Variants in RPL14 observed in about 807,000 individuals in gnomAD.
RPL14 encodes the protein large ribosomal subunit protein eL14.
A neutral mutation model predicts 25.3 loss-of-function variants in RPL14; 4 were observed. The observed-to-expected ratio is 0.16, with a 90% CI of 0.08 to 0.36. The LOEUF (loss-of-function observed/expected upper bound fraction) is 0.36, where lower values mean the gene tolerates loss of function less well. RPL14 is among the 10% of genes least tolerant of loss of function. RPL14 has a pLI of 1.00. For missense variants in RPL14, 212 were observed against 261.9 expected (o/e 0.81, Z 1.31); for synonymous variants, 75 against 89.8 (o/e 0.84, Z 0.93).
chr3:40,459,775 C>G (rs893153296), intron 3 of RPL14, among the ~76,000 whole-genome samples: 1 of 143,090 alleles, frequency 7.0e-6, no homozygotes, highest in African/African-American at 2.6e-5. Flanking sequence ...AGGAGAATGG[C>G]GTGAGCCCGG....
Position 40,458,962 on chromosome 3 carries a change from G to A in RPL14, c.200+226G>A. 6.5e-6 allele frequency: 3 copies of A among 461,046 alleles called. No individual in the cohort carries two copies. In the Admixed American group the frequency reaches 1.1e-4, roughly 17 times the overall value. The allele number at this position is 461,046 out of a possible 1,614,324, so 28.6% of individuals were successfully genotyped here. On this transcript the variant is annotated intron_variant, in intron 3 of 5. Transcript: ENST00000396203. Reference sequence around the variant, plus strand: ...AGGCCACGGTGGGAGGGTCTCTTGAGCCCAAGTTTCAAGACCAGCATGGGC... The same window carrying A: ...AGGCCACGGTGGGAGGGTCTCTTGAACCCAAGTTTCAAGACCAGCATGGGC...
chr3:40,460,694 A>C (rs142537688), intron 3 of RPL14, among the ~76,000 whole-genome samples: 25 of 151,768 alleles, frequency 1.6e-4, no homozygotes, highest in African/African-American at 5.8e-4. Context: ...ACTCACTGCA[A>C]CCTCAGGCTC....
At position 40,466,732 on chromosome 3, in the gene RPL14, T is replaced by C. The variant is rs539290788; in HGVS notation, c.*4500T>C. 2 of 152,142 alleles carry C rather than the reference T, an allele frequency of 1.3e-5. No homozygotes were observed. Among genetic ancestry groups the C allele is most frequent in the African/African-American group, 2.4e-5 (1 of 41,430 alleles). The allele number at this position is 152,142 out of a possible 1,614,324, so 9.4% of individuals were successfully genotyped here. A position where few individuals can be genotyped will look rare whatever the true frequency, so the allele number is the denominator to read the frequency against. Reference sequence around the variant, plus strand: ...CTATCCTCAACACCTAGTGCAATTCTTTTTACACATTAGGTACTTAGTAAT... The same window carrying C: ...CTATCCTCAACACCTAGTGCAATTCCTTTTACACATTAGGTACTTAGTAAT... On this transcript the variant is annotated 3_prime_UTR_variant, in exon 6 of 6. Transcript: ENST00000396203.
intron 1 of RPL14, 128 bp downstream of exon 1, chr3:40,457,602 C>A (rs974414548): frequency 2.6e-6 from 2 of 757,494 alleles, no homozygotes; most frequent in Admixed American, 2.7e-5. Context: ...CACGCGTGCG[C>A]GCCTCCGCCG....
chr3:40,458,657 C>T lies in RPL14; in HGVS notation c.121C>T (p.Pro41Ser). The change falls in exon 3 of 6, where the codon CCT becomes TCT. Residue 41 changes from proline to serine, a missense_variant. Transcript: ENST00000396203. ...IDQNRALVDG[P>S]CTQVRRQAMP... ...TGTGTTCTAGGCTTTGGTCGATGGA[C>T]CTTGCACTCAAGTGAGGAGACAGGC... The T allele has an allele frequency of 1.2e-6, 2 of 1,614,034 alleles. No individual in the cohort carries two copies. Among genetic ancestry groups the T allele is most frequent in the Non-Finnish European group, 1.7e-6 (2 of 1,179,934 alleles).
rs780863266 is a variant in RPL14, at chr3:40,461,673, G to T, written c.354+12G>T. The T allele has an allele frequency of 6.3e-7, 1 of 1,595,218 alleles. No individual in the cohort carries two copies. Among genetic ancestry groups the T allele is most frequent in the Non-Finnish European group, 8.5e-7 (1 of 1,172,688 alleles). On this transcript the variant is annotated intron_variant, in intron 5 of 5. Coordinates refer to ENST00000396203, the MANE Select transcript of RPL14 (RefSeq NM_001034996.3). The stretch of plus-strand genomic sequence containing the variant: ...AGGCAAAGAAAATGGTAAGATTTAA[G>T]ATCTGTATTTTTGTGTAACTTAGCT...
chr3:40,459,387 ATTTAATATAAGAGGT>A (rs1696896263), intron 3 of RPL14, among the ~76,000 whole-genome samples: 1 of 152,218 alleles, frequency 6.6e-6, no homozygotes, highest in Non-Finnish European at 1.5e-5. Flanking sequence ...GTTACACAGT[ATTTAATATAAGAGGT>A]TTTATCCCTA....
chr3:40,460,556 T>C (rs546547205), intron 3 of RPL14, among the ~76,000 whole-genome samples: 2 of 151,192 alleles, frequency 1.3e-5, no homozygotes, highest in South Asian at 4.2e-4. Flanking sequence ...TTTCAACACG[T>C]CCACTGCCCG....
intron 2 of RPL14, 43 bp downstream of exon 2, chr3:40,458,034 G>C (rs1340942799): frequency 6.8e-7 from 1 of 1,470,880 alleles, no homozygotes; most frequent in Admixed American, 1.7e-5. Context: ...GTGGACATGT[G>C]CCCTGCAGAT....
At chr3:40,457,810 G>C in intron 1 of RPL14, 80 bp from the exon 2 acceptor site, 2 of 1,327,206 alleles carry the variant, frequency 1.5e-6, no homozygotes, top group Non-Finnish European at 2.2e-6. Flanking sequence ...ATTTAACCAT[G>C]TTGTCTTTAG....
intron 1 of RPL14, 180 bp downstream of exon 1, chr3:40,457,654 T>C (rs1466536621): frequency 2.0e-5 from 13 of 662,316 alleles, no homozygotes; most frequent in Admixed American, 2.8e-5. Context: ...CCGAGAGCCT[T>C]GTCCTGCCGT....
intron 5 of RPL14, 67 bp downstream of exon 5, chr3:40,461,728 C>T (rs150885265): frequency 7.0e-7 from 1 of 1,438,504 alleles, no homozygotes; most frequent in Non-Finnish European, 9.5e-7. Flanking sequence ...TAGCCAAATC[C>T]CATTTCAGGC....
Position 40,457,949 on chromosome 3 carries a change from C to T in RPL14, c.63C>T (p.Ala21=), listed in dbSNP as rs1696869805. ...CCTATGTCTCCTTTGGACCTCATGC[C>T]GGAAAATTGGTCGCGATTGTAGATG... ...RVAYVSFGPH[A]GKLVAIVDVI... Residue 21 remains alanine (A), a synonymous_variant, in exon 2 of 6, where the codon GCC becomes GCT. Transcript: ENST00000396203. 6.2e-7 allele frequency: 1 copy of T among 1,614,138 alleles called. No homozygotes were observed. Among genetic ancestry groups the T allele is most frequent in the Admixed American group, 1.7e-5 (1 of 60,020 alleles).
Position 40,466,449 on chromosome 3 carries a change from G to A in RPL14, c.*4217G>A, listed in dbSNP as rs1264570474. 2.0e-5 allele frequency: 3 copies of A among 150,102 alleles called. No homozygotes were observed. The highest frequency in any genetic ancestry group is 4.4e-5 in the Non-Finnish European group (3 of 67,798). The allele number at this position is 150,102 out of a possible 1,614,324, so 9.3% of individuals were successfully genotyped here. A position where few individuals can be genotyped will look rare whatever the true frequency, so the allele number is the denominator to read the frequency against. On this transcript the variant is annotated 3_prime_UTR_variant, in exon 6 of 6. Transcript: ENST00000396203. ...TAATCCCAGCACTTTGGGAGGCTGA[G>A]GCAGGTGAATCAGGGGTTCAAGACC...
chr3:40,462,357 A>T lies in RPL14; in HGVS notation c.*125A>T. 1.2e-6 allele frequency: 1 copy of T among 809,956 alleles called. No individual in the cohort carries two copies. The allele number at this position is 809,956 out of a possible 1,614,324, so 50.2% of individuals were successfully genotyped here. A position where few individuals can be genotyped will look rare whatever the true frequency, so the allele number is the denominator to read the frequency against. On this transcript the variant is annotated 3_prime_UTR_variant, in exon 6 of 6. Coordinates refer to ENST00000396203, the MANE Select transcript of RPL14 (RefSeq NM_001034996.3). ...GATTGATAGTAGGATTATAATAAAC[A>T]TTAAATAATCAGTTCCTTTTTTTTT...
rs1697048369 is a variant in RPL14, at chr3:40,467,746, C to G, written c.*5514C>G. ...CATAATAATCCACAACATGAATGTT[C>G]ACGTTTGACCTCTATTGATAGACAT... is the stretch of plus-strand genomic sequence containing the variant. On this transcript the variant is annotated 3_prime_UTR_variant, in exon 6 of 6. Transcript: ENST00000396203. 6.6e-6 allele frequency: 1 copy of G among 152,012 alleles called. No individual in the cohort carries two copies. Among genetic ancestry groups the G allele is most frequent in the African/African-American group, 2.4e-5 (1 of 41,408 alleles). 9.4% of individuals were successfully genotyped at this position (152,012 alleles called of 1,614,324 possible).
chr3:40,459,465 A>C (rs1696898181), intron 3 of RPL14, among the ~76,000 whole-genome samples: 1 of 152,218 alleles, frequency 6.6e-6, no homozygotes, highest in African/African-American at 2.4e-5. Flanking sequence ...CATGAAAATT[A>C]AAACACTTTA....
At position 40,467,495 on chromosome 3, in the gene RPL14, C is replaced by A. The variant is rs1264603148; in HGVS notation, c.*5263C>A. 1.3e-5 allele frequency: 2 copies of A among 152,446 alleles called. No individual in the cohort carries two copies. Among genetic ancestry groups the A allele is most frequent in the Non-Finnish European group, 2.9e-5 (2 of 68,050 alleles). The allele number at this position is 152,446 out of a possible 1,614,324, so 9.4% of individuals were successfully genotyped here. On this transcript the variant is annotated 3_prime_UTR_variant, in exon 6 of 6. Coordinates refer to ENST00000396203, the MANE Select transcript of RPL14 (RefSeq NM_001034996.3). ...TTAAAAAAGCAAATTCACGCTTCCT[C>A]CCCCATTTTGTTCTATTTGAACCTT...
In RPL14 at chr3:40,462,369, G is replaced by A. The variant is rs903985150; in HGVS notation, c.*137G>A. On this transcript the variant is annotated 3_prime_UTR_variant, in exon 6 of 6. Transcript: ENST00000396203. ...GATTATAATAAACATTAAATAATCAGTTCCTTTTTTTTTTTTTTTTTTTTT... is the reference window on the plus strand; with the variant it reads ...GATTATAATAAACATTAAATAATCAATTCCTTTTTTTTTTTTTTTTTTTTT... 31 of 561,650 alleles carry A rather than the reference G, an allele frequency of 5.5e-5. No individual in the cohort carries two copies. The Admixed American group carries it at 1.4e-3, about 26-fold the overall frequency. The allele number at this position is 561,650 out of a possible 1,614,324, so 34.8% of individuals were successfully genotyped here.
Sources: allele counts gnomAD v4.1 joint callset (sites outside exome capture counted in the v4.1 genomes callset), GRCh38; gene constraint gnomAD v4.1.1; transcripts MANE v1.5; gene names NCBI Gene and HGNC (gene_info 2026-07-23, HGNC 2026-07-21).